The following CEP63 variants were observed in gnomAD, a reference collection of about 807,000 sequenced individuals.
CEP63 encodes the protein centrosomal protein 63, also known as centrosomal protein of 63 kDa.
A neutral mutation model predicts 89.1 loss-of-function variants in CEP63; 84 were observed. The ratio of observed to expected loss-of-function variants is 0.94; its 90% CI spans 0.79 to 1.13. The LOEUF (loss-of-function observed/expected upper bound fraction) is 1.13, where lower values mean the gene tolerates loss of function less well. Among genes scored for constraint, CEP63 ranks in the 50% most tolerant of loss-of-function variants. The pLI is 0.00. For synonymous variants in CEP63, 267 were observed against 272.5 expected (o/e 0.98, Z 0.20); for missense variants, 838 against 813.3 (o/e 1.03, Z -0.37).
chr3:134,735,817 C>G, the CEP63 span, among the ~76,000 whole-genome samples: 1 of 152,030 alleles, frequency 6.6e-6, no homozygotes, highest in African/African-American at 2.4e-5. Context: ...CAAAACTAAG[C>G]TCAGGTGATT....
rs1341474313 is a variant in CEP63 at position 134,564,634 on chromosome 3, T to A, written c.*3099T>A. ...ATTTATCAGTAAAACTGAAATAATA[T>A]CTAATGGGGTCGAGAAGATTTACTG... On this transcript the variant is annotated 3_prime_UTR_variant, in exon 15 of 15. Coordinates refer to ENST00000675561, the MANE Select transcript of CEP63 (RefSeq NM_001353108.3). 2.0e-6 allele frequency: 2 copies of A among 985,264 alleles called. No homozygotes were observed. The highest frequency in any genetic ancestry group is 2.4e-6 in the Non-Finnish European group (2 of 829,902). 61.0% of individuals were successfully genotyped at this position (985,264 alleles called of 1,614,324 possible). A position where few individuals can be genotyped will look rare whatever the true frequency, so the allele number is the denominator to read the frequency against.
chr3:134,659,322 G>A, the CEP63 span, among the ~76,000 whole-genome samples: 1 of 152,172 alleles, frequency 6.6e-6, no homozygotes, highest in Non-Finnish European at 1.5e-5. Context: ...ACGTAAACAA[G>A]GTGTCCTCTG....
At chr3:134,703,123 A>T in the CEP63 span, among the ~76,000 whole-genome samples, 1 of 151,890 alleles carries the variant, frequency 6.6e-6, no homozygotes. Context: ...GTGAAACCCC[A>T]TCTCTACTAA....
At chr3:134,752,700 G>T in the CEP63 span, among the ~76,000 whole-genome samples, 25 of 152,222 alleles carry the variant, frequency 1.6e-4, no homozygotes, top group South Asian at 4.1e-4. Context: ...GAGAGGTACA[G>T]GTGCACGGGA....
downstream of CEP63, chr3:134,575,120 C>CTTCCTTCT: frequency 3.0e-6 from 1 of 333,262 alleles, no homozygotes; most frequent in African/African-American, 2.1e-5. Context: ...TAACTCCTTC[C>CTTCCTTCT]TTCCTTCCTT....
At chr3:134,524,012 C>G (rs1053518273) in intron 3 of CEP63, among the ~76,000 whole-genome samples, 6 of 152,110 alleles carry the variant, frequency 3.9e-5, no homozygotes, top group Non-Finnish European at 7.4e-5. Context: ...CTGATTCTTC[C>G]TTCCATGAGC....
intron 11 of CEP63, 92 bp downstream of exon 11, chr3:134,550,352 G>A (rs1954536858): frequency 2.4e-6 from 3 of 1,246,900 alleles, no homozygotes; most frequent in Non-Finnish European, 3.4e-6. Flanking sequence ...TTAATTCAGT[G>A]AATTTTTATT....
At chr3:134,501,850 G>A (rs912229727) in intron 2 of CEP63, among the ~76,000 whole-genome samples, 1 of 152,066 alleles carries the variant, frequency 6.6e-6, no homozygotes, top group African/African-American at 2.4e-5. Context: ...CTCTGGCTAG[G>A]ACATCAAGTA....
rs148776403 is a variant in CEP63, at chr3:134,562,233, A to C, written c.*698A>C. The C allele has an allele frequency of 4.4e-5, 43 of 984,788 alleles. No homozygotes were observed. In the East Asian group the frequency reaches 4.2e-3, roughly 96 times the overall value. 61.0% of individuals were successfully genotyped at this position (984,788 alleles called of 1,614,324 possible). A position where few individuals can be genotyped will look rare whatever the true frequency, so the allele number is the denominator to read the frequency against. ...ACTGCTGAGGACAAGTTTAGATGGGAGACAAAGATCTGGATGTTGATGTGC... is the reference window on the plus strand; with the variant it reads ...ACTGCTGAGGACAAGTTTAGATGGGCGACAAAGATCTGGATGTTGATGTGC... On this transcript the variant is annotated 3_prime_UTR_variant, in exon 15 of 15. Transcript: ENST00000675561.
intron 2 of CEP63, among the ~76,000 whole-genome samples, chr3:134,499,296 T>C (rs1377936852): frequency 1.3e-5 from 2 of 152,176 alleles, no homozygotes; most frequent in Admixed American, 1.3e-4. Flanking sequence ...TTCCTATTTG[T>C]TAGCATATAG....
At chr3:134,767,141 G>T in the CEP63 span, among the ~76,000 whole-genome samples, 7 of 152,294 alleles carry the variant, frequency 4.6e-5, no homozygotes, top group East Asian at 1.4e-3. Context: ...GTGAAGAGAC[G>T]CTGGCTGTTG....
chr3:134,703,017 C>T, the CEP63 span, among the ~76,000 whole-genome samples: 5 of 152,076 alleles, frequency 3.3e-5, no homozygotes, highest in African/African-American at 7.2e-5. Context: ...TACATGTGGC[C>T]GAGTGCGGTC....
At chr3:134,689,609 G>A in the CEP63 span, among the ~76,000 whole-genome samples, 12 of 151,990 alleles carry the variant, frequency 7.9e-5, no homozygotes, top group Non-Finnish European at 1.3e-4. Flanking sequence ...CTGCCACCAC[G>A]CTCAAGTAAT....
chr3:134,648,773 G>A, the CEP63 span, among the ~76,000 whole-genome samples: 2 of 152,126 alleles, frequency 1.3e-5, no homozygotes, highest in Non-Finnish European at 2.9e-5. Flanking sequence ...CACTCGTTAC[G>A]GATTACTCCA....
At chr3:134,553,461 T>C (rs901669507) in intron 12 of CEP63, 1 of 152,058 alleles carries the variant, frequency 6.6e-6, no homozygotes, top group Non-Finnish European at 1.5e-5. Flanking sequence ...AAAAATTCCC[T>C]ACAAAGATAA....
intron 3 of CEP63, among the ~76,000 whole-genome samples, chr3:134,509,810 T>G (rs1170441122): frequency 6.6e-6 from 1 of 152,228 alleles, no homozygotes; most frequent in Non-Finnish European, 1.5e-5. Context: ...AATGTCATTT[T>G]GAAAACAAAT....
downstream of CEP63, among the ~76,000 whole-genome samples, chr3:134,579,953 A>G (rs1958305170): frequency 6.6e-6 from 1 of 152,194 alleles, no homozygotes; most frequent in South Asian, 2.1e-4. Context: ...TAATCCCAGC[A>G]CTTTGGGAGG....
chr3:134,538,422 C>T (rs1422929952), intron 6 of CEP63, among the ~76,000 whole-genome samples: 1 of 149,488 alleles, frequency 6.7e-6, no homozygotes, highest in Non-Finnish European at 1.5e-5. Flanking sequence ...TTCTAGGCCA[C>T]AGCAAGCTGT....
At chr3:134,488,793 G>A (rs1936598113) in intron 1 of CEP63, among the ~76,000 whole-genome samples, 1 of 152,190 alleles carries the variant, frequency 6.6e-6, no homozygotes, top group African/African-American at 2.4e-5. Flanking sequence ...GTTAGATGTA[G>A]AATTGCACTG....
Sources: gnomAD v4.1 joint callset for allele counts (sites outside exome capture counted in the v4.1 genomes callset) on GRCh38, gnomAD v4.1.1 for gene constraint, MANE v1.5 for transcripts, NCBI Gene and HGNC (gene_info 2026-07-23, HGNC 2026-07-21) for gene names.